Variants in CAMTA1 observed in about 807,000 individuals in gnomAD.
CAMTA1 encodes calmodulin binding transcription activator 1.
In CAMTA1, 27 loss-of-function variants were observed where a neutral mutation model predicts 170.9. The observed-to-expected ratio is 0.16, with a 90% CI of 0.12 to 0.22. CAMTA1 has a LOEUF of 0.22. CAMTA1 is among the 10% of genes least tolerant of loss of function. The probability of loss-of-function intolerance (pLI) is 1.00; values close to 1 mark genes in which losing one functional copy is unlikely to be tolerated. For missense variants in CAMTA1, 1,619 were observed against 2,217.2 expected, an observed-to-expected ratio of 0.73 and a Z score of 5.42; for synonymous variants, 833 against 891.5, an observed-to-expected ratio of 0.93 and a Z score of 1.17.
At chr1:6,963,009 T>C (rs1690775449) in intron 3 of CAMTA1, among the ~76,000 whole-genome samples, 1 of 149,612 alleles carries the variant, frequency 6.7e-6, no homozygotes, top group African/African-American at 2.5e-5. Context: ...CCTTCCACCC[T>C]GGCCCCGCCC....
intron 3 of CAMTA1, chr1:7,008,303 C>T (rs953333492): frequency 2.0e-5 from 3 of 152,428 alleles, no homozygotes; most frequent in Middle Eastern, 3.2e-3. Context: ...ACTAAAGGCA[C>T]GAACGGCCTT....
intron 1 of CAMTA1, among the ~76,000 whole-genome samples, 161 bp downstream of exon 1, chr1:6,785,736 G>C (rs1358801154): frequency 7.2e-6 from 1 of 137,980 alleles, no homozygotes; most frequent in Non-Finnish European, 1.6e-5. Context: ...GGGGTGGGGG[G>C]GCGGAGCGCG....
chr1:7,537,918 G>A (rs1304744507), intron 6 of CAMTA1, among the ~76,000 whole-genome samples: 3 of 152,160 alleles, frequency 2.0e-5, no homozygotes, highest in Admixed American at 2.0e-4. Flanking sequence ...CCTCTCAAAG[G>A]GGTCTTTTCC....
At chr1:7,446,560 C>T (rs1019148352) in intron 5 of CAMTA1, among the ~76,000 whole-genome samples, 3 of 152,124 alleles carry the variant, frequency 2.0e-5, no homozygotes, top group African/African-American at 7.2e-5. Context: ...GCCTACTGGG[C>T]GAATGAGCCT....
At chr1:6,793,980 A>T (rs1641834811) in intron 1 of CAMTA1, among the ~76,000 whole-genome samples, 1 of 152,018 alleles carries the variant, frequency 6.6e-6, no homozygotes, top group Non-Finnish European at 1.5e-5. Context: ...AAAGTGTGAA[A>T]TTATCAGATA....
At chr1:7,048,883 G>A (rs749650131) in intron 3 of CAMTA1, among the ~76,000 whole-genome samples, 9 of 152,190 alleles carry the variant, frequency 5.9e-5, no homozygotes, top group Admixed American at 1.3e-4. Context: ...AACGTTCACA[G>A]GACTTCTGAG....
In CAMTA1 at chr1:6,953,952, T is replaced by G. The variant is rs371403740; in HGVS notation, c.234+128742T>G. 1.4e-4 allele frequency among the ~76,000 whole-genome samples: 21 copies of G among 152,266 alleles called. No individual in the cohort carries two copies. The East Asian group carries it at 1.5e-3, about 11-fold the overall frequency. ...ATTCCAGGGCTGGGGTTGCCAGGTCTTCTGAGTGCTGCTGACCTGAGGGCG... is the reference window on the plus strand; with the variant it reads ...ATTCCAGGGCTGGGGTTGCCAGGTCGTCTGAGTGCTGCTGACCTGAGGGCG... On this transcript the variant is annotated intron_variant, in intron 3 of 22. Transcript: ENST00000303635.
At chr1:6,972,929 G>C (rs920110982) in intron 3 of CAMTA1, among the ~76,000 whole-genome samples, 4 of 152,018 alleles carry the variant, frequency 2.6e-5, no homozygotes, top group African/African-American at 9.7e-5. Context: ...TTGGCTCACG[G>C]TAACCCCCGC....
At chr1:7,755,716 G>A (rs1043891927) in intron 22 of CAMTA1, 48 bp downstream of exon 22, 1 of 1,585,852 alleles carries the variant, frequency 6.3e-7, no homozygotes, top group African/African-American at 1.3e-5. Flanking sequence ...TCCATTTTCA[G>A]TATTTTGCTT....
At chr1:7,404,279 C>G (rs534342988) in intron 5 of CAMTA1, among the ~76,000 whole-genome samples, 20 of 152,288 alleles carry the variant, frequency 1.3e-4, no homozygotes, top group East Asian at 5.8e-4. Flanking sequence ...CCGGAAGATG[C>G]CTTTGTACTT....
At chr1:7,758,409 T>C (rs554511570) in intron 22 of CAMTA1, among the ~76,000 whole-genome samples, 2 of 152,202 alleles carry the variant, frequency 1.3e-5, no homozygotes, top group African/African-American at 4.8e-5. Context: ...GTTTGAGAGA[T>C]AGGGGCTGAG....
At chr1:7,454,989 G>C (rs1266249023) in intron 5 of CAMTA1, among the ~76,000 whole-genome samples, 1 of 152,214 alleles carries the variant, frequency 6.6e-6, no homozygotes, top group African/African-American at 2.4e-5. Context: ...CAGTGAGACT[G>C]AGTGATTCAG....
intron 6 of CAMTA1, among the ~76,000 whole-genome samples, chr1:7,622,073 C>T (rs1467131728): frequency 6.6e-6 from 1 of 152,202 alleles, no homozygotes; most frequent in Non-Finnish European, 1.5e-5. Flanking sequence ...CTTGTTCTTT[C>T]TGTTCATGAC....
intron 7 of CAMTA1, among the ~76,000 whole-genome samples, chr1:7,661,278 C>T (rs537766205): frequency 4.6e-5 from 7 of 152,290 alleles, no homozygotes; most frequent in Non-Finnish European, 7.4e-5. Flanking sequence ...AGGCATTGGT[C>T]CTCCCGGCTC....
chr1:7,349,759 A>C (rs2084513570), intron 5 of CAMTA1, among the ~76,000 whole-genome samples: 1 of 152,210 alleles, frequency 6.6e-6, no homozygotes, highest in South Asian at 2.1e-4. Flanking sequence ...TCGCTTTCCA[A>C]AAAGGTCACA....
chr1:7,016,208 C>T (rs1349710153), intron 3 of CAMTA1, among the ~76,000 whole-genome samples: 1 of 152,184 alleles, frequency 6.6e-6, no homozygotes, highest in Non-Finnish European at 1.5e-5. Context: ...CTCAGCCTGA[C>T]ACCCGTGAGA....
intron 1 of CAMTA1, among the ~76,000 whole-genome samples, chr1:6,813,841 C>A (rs1408348115): frequency 2.0e-5 from 3 of 152,084 alleles, no homozygotes; most frequent in African/African-American, 7.2e-5. Context: ...TCAAAGTGAC[C>A]AAGAGGATGA....
At chr1:7,030,923 C>T (rs1364175619) in intron 3 of CAMTA1, among the ~76,000 whole-genome samples, 1 of 151,656 alleles carries the variant, frequency 6.6e-6, no homozygotes, top group Non-Finnish European at 1.5e-5. Flanking sequence ...CAAGCTCCGC[C>T]TCCCGGGTTC....
At chr1:7,544,081 T>C (rs951106548) in intron 6 of CAMTA1, among the ~76,000 whole-genome samples, 1 of 152,218 alleles carries the variant, frequency 6.6e-6, no homozygotes, top group Non-Finnish European at 1.5e-5. Flanking sequence ...TCTGTTTTCA[T>C]GCTGCTGATA....
Sources: allele counts gnomAD v4.1 joint callset (sites outside exome capture counted in the v4.1 genomes callset), GRCh38; gene constraint gnomAD v4.1.1; transcripts MANE v1.5; gene names NCBI Gene and HGNC (gene_info 2026-07-23, HGNC 2026-07-21).